Variants in SOHLH1 observed in about 807,000 individuals in gnomAD.
SOHLH1 encodes spermatogenesis and oogenesis specific basic helix-loop-helix 1.
In SOHLH1, 23 loss-of-function variants were observed where a neutral mutation model predicts 36.2. The ratio of observed to expected loss-of-function variants is 0.64; its 90% CI spans 0.46 to 0.90. The LOEUF (loss-of-function observed/expected upper bound fraction) is 0.90, where lower values mean the gene tolerates loss of function less well. Ranked by LOEUF, SOHLH1 falls within the 40% of genes least tolerant of loss-of-function variation. The pLI is 0.00. For synonymous variants in SOHLH1, 289 were observed against 228.3 expected, an observed-to-expected ratio of 1.27 and a Z score of -2.40; for missense variants, 608 against 517.0, an observed-to-expected ratio of 1.18 and a Z score of -1.71.
intron 1 of SOHLH1, 54 bp downstream of exon 1, chr9:135,699,349 C>T: frequency 4.5e-6 from 7 of 1,572,076 alleles, no homozygotes; most frequent in Non-Finnish European, 6.1e-6. Context: ...CGGAAGAACC[C>T]CTGGGTACAG....
intron 3 of SOHLH1, among the ~76,000 whole-genome samples, chr9:135,697,838 A>C (rs1011559725): frequency 2.0e-5 from 3 of 152,124 alleles, no homozygotes; most frequent in African/African-American, 7.2e-5. Context: ...GTGCATACCC[A>C]AGGGCCTCAC....
chr9:135,699,076 G>A lies in SOHLH1; in HGVS notation c.116C>T (p.Ser39Leu), dbSNP rs759689189. 6.3e-5 allele frequency: 102 copies of A among 1,610,470 alleles called. 3 individuals are homozygous for A. In the South Asian group the frequency reaches 8.4e-4, roughly 13 times the overall value. The change falls in exon 2 of 8, where the codon TCG (serine) becomes TTG (leucine). Residue 39 changes from serine to leucine, a missense_variant. Physicochemically the swap from Ser to Leu is moderately radical, Grantham distance 145. Transcript: ENST00000425225. ...CACCGTAGGGGCCTTGGGCGGGCCC[G>A]AGCCCCGGGCCGAGTCCTCGCAGCA... ...LSCCEDSARGSGPPKAPTVAE... is the reference protein window; with the variant it reads ...LSCCEDSARGLGPPKAPTVAE...
rs765423220 is a variant in SOHLH1 at position 135,698,355 on chromosome 9, G to C, written c.319C>G (p.Leu107Val). 1.2e-6 allele frequency: 2 copies of C among 1,613,044 alleles called. No homozygotes were observed. The highest frequency in any genetic ancestry group is 1.7e-6 in the Non-Finnish European group (2 of 1,180,016). The change falls in exon 3 of 8, where the codon CTG (leucine) becomes GTG (valine). Residue 107 changes from leucine (L) to valine (V), a missense_variant. Leu to Val is a conservative substitution (Grantham distance 32). Coordinates refer to ENST00000425225, the MANE Select transcript of SOHLH1 (RefSeq NM_001101677.2). ...GCGTGCTGCTCCTGACTGGGCCCCAGGGCGCTGGCAAGCCGCAGGAACTGC... is the reference window on the plus strand; with the variant it reads ...GCGTGCTGCTCCTGACTGGGCCCCACGGCGCTGGCAAGCCGCAGGAACTGC... ...SVQFLRLASA[L>V]GPSQEQHAIL... is the part of the protein sequence containing the mutation.
chr9:135,701,682 C>T (rs1340662718), upstream of SOHLH1, among the ~76,000 whole-genome samples: 4 of 151,496 alleles, frequency 2.6e-5, no homozygotes, highest in African/African-American at 7.3e-5. Flanking sequence ...CAGGATGTGG[C>T]GCCCACCCAC....
intron 2 of SOHLH1, 39 bp from the exon 3 acceptor site, chr9:135,698,515 T>G (rs1425971903): frequency 6.2e-7 from 1 of 1,612,566 alleles, no homozygotes; most frequent in Non-Finnish European, 8.5e-7. Flanking sequence ...TGGGCCCTCC[T>G]GCCCTCCCCG....
intron 7 of SOHLH1, 109 bp from the exon 8 acceptor site, chr9:135,693,923 C>T (rs1364901597): frequency 6.8e-7 from 1 of 1,460,956 alleles, no homozygotes; most frequent in African/African-American, 1.4e-5. Context: ...TCTGCCCTGC[C>T]CTGTCCCCGC....
upstream of SOHLH1, chr9:135,699,487 G>T (rs755030344): frequency 1.2e-6 from 2 of 1,609,286 alleles, no homozygotes; most frequent in Non-Finnish European, 1.7e-6. Context: ...GCTGCGGAGC[G>T]ACCCCACGCG....
chr9:135,696,661 C>A lies in SOHLH1; in HGVS notation c.612G>T (p.Glu204Asp). The A allele has an allele frequency of 1.2e-6, 2 of 1,612,908 alleles. No homozygotes were observed. The highest frequency in any genetic ancestry group is 1.7e-6 in the Non-Finnish European group (2 of 1,179,904). ...SCTSLGTDKC[E>D]ALLGLCQVRG... Reference sequence around the variant, plus strand: ...GCACCTGGCACAGCCCCAACAGTGCCTCACACTTGTCCGTGCCCAGGGACG... The same window carrying A: ...GCACCTGGCACAGCCCCAACAGTGCATCACACTTGTCCGTGCCCAGGGACG... The change falls in exon 5 of 8, where the codon GAG (glutamate) becomes GAT (aspartate). Residue 204 changes from glutamate to aspartate, a missense_variant. Glu to Asp is a conservative substitution (Grantham distance 45, BLOSUM62 2). Transcript: ENST00000425225.
chr9:135,701,266 C>T (rs1287281702), upstream of SOHLH1, among the ~76,000 whole-genome samples: 1 of 152,046 alleles, frequency 6.6e-6, no homozygotes, highest in Non-Finnish European at 1.5e-5. Flanking sequence ...CCTGCTGCCT[C>T]CTGGAGAAAC....
intron 2 of SOHLH1, 29 bp downstream of exon 2, chr9:135,698,966 C>T (rs1484044511): frequency 6.2e-7 from 1 of 1,611,084 alleles, no homozygotes; most frequent in Non-Finnish European, 8.5e-7. Flanking sequence ...TTTACAGCGC[C>T]CTCACCCCTG....
chr9:135,698,501 C>T (rs529976), intron 2 of SOHLH1, 25 bp from the exon 3 acceptor site: 1,475,990 of 1,612,750 alleles, frequency 0.92, 677,795 homozygotes, highest in East Asian at 0.97. Context: ...GAAACAAATA[C>T]CTCTGGGCCC....
chr9:135,701,193 G>C (rs957801943), upstream of SOHLH1, among the ~76,000 whole-genome samples: 2 of 152,190 alleles, frequency 1.3e-5, no homozygotes, highest in South Asian at 2.1e-4. Flanking sequence ...CTCTGCTGGG[G>C]ACTTAGCATC....
At chr9:135,694,245 T>G (rs1834701115) in intron 7 of SOHLH1, 142 bp downstream of exon 7, 1 of 1,511,232 alleles carries the variant, frequency 6.6e-7, no homozygotes, top group Non-Finnish European at 8.8e-7. Context: ...GCCCAACAGC[T>G]AAGCACCAAC....
upstream of SOHLH1, among the ~76,000 whole-genome samples, chr9:135,701,790 G>A (rs528527393): frequency 6.6e-6 from 1 of 152,322 alleles, no homozygotes; most frequent in Non-Finnish European, 1.5e-5. Context: ...CGGCAGAGCA[G>A]CACAAGCGGG....
At chr9:135,699,609 T>C (rs1834963662), upstream of SOHLH1, 6 of 864,338 alleles carry the variant, frequency 6.9e-6, no homozygotes, top group East Asian at 1.6e-4. Flanking sequence ...CCATAGCGCA[T>C]GCGCTCTAGC....
intron 6 of SOHLH1, 106 bp downstream of exon 6, chr9:135,694,944 G>A (rs949853233): frequency 7.9e-7 from 1 of 1,268,986 alleles, no homozygotes; most frequent in Non-Finnish European, 1.1e-6. Context: ...GAAGCTTCCA[G>A]ATGCCGAGAA....
chr9:135,694,297 C>G, intron 7 of SOHLH1, 90 bp downstream of exon 7: 1 of 1,597,606 alleles, frequency 6.3e-7, no homozygotes, highest in Non-Finnish European at 8.5e-7. Context: ...CTGGGGCCCC[C>G]TGACACACGC....
chr9:135,697,439 G>A, intron 4 of SOHLH1, 67 bp downstream of exon 4: 1 of 1,581,454 alleles, frequency 6.3e-7, no homozygotes, highest in Non-Finnish European at 8.6e-7. Context: ...GGACATGCCA[G>A]GGGGCTTTGG....
chr9:135,700,250 GC>G (rs2131300588), upstream of SOHLH1, among the ~76,000 whole-genome samples: 1 of 152,272 alleles, frequency 6.6e-6, no homozygotes, highest in South Asian at 2.1e-4. Flanking sequence ...CGGGGGTCCT[GC>G]CCATCCAAAT....
Sources: allele counts gnomAD v4.1 joint callset (sites outside exome capture counted in the v4.1 genomes callset), GRCh38; gene constraint gnomAD v4.1.1; transcripts MANE v1.5; gene names NCBI Gene and HGNC (gene_info 2026-07-23, HGNC 2026-07-21).